CSMD1: variants seen among roughly 807,000 people sequenced by gnomAD.
CSMD1 encodes CUB and sushi domain-containing protein 1.
Under a neutral mutation model 417.5 loss-of-function variants are expected in CSMD1, and 213 were observed. That is an observed-to-expected ratio of 0.51 (90% CI 0.46 to 0.57). The LOEUF is 0.57. Among genes scored for constraint, CSMD1 ranks in the 20% least tolerant of loss-of-function variants. The probability of loss-of-function intolerance (pLI) is 0.00; values close to 1 mark genes in which losing one functional copy is unlikely to be tolerated. For synonymous variants in CSMD1, 2,862 were observed against 1,736.8 expected, an observed-to-expected ratio of 1.65 and a Z score of -16.11; for missense variants, 6,923 against 4,529.7, an observed-to-expected ratio of 1.53 and a Z score of -15.17.
intron 3 of CSMD1, among the ~76,000 whole-genome samples, chr8:4,190,286 T>G (rs533656997): frequency 1.1e-3 from 155 of 146,330 alleles, no homozygotes; most frequent in Admixed American, 1.8e-3. Flanking sequence ...GCAGAGACTC[T>G]GGGTCTGGTC....
intron 1 of CSMD1, among the ~76,000 whole-genome samples, chr8:4,709,056 T>C (rs1808127307): frequency 6.6e-6 from 1 of 152,166 alleles, no homozygotes; most frequent in African/African-American, 2.4e-5. Context: ...TGGTACTTTG[T>C]TATGGGAGCC....
intron 1 of CSMD1, among the ~76,000 whole-genome samples, chr8:4,840,573 G>T (rs891266212): frequency 2.6e-5 from 4 of 152,096 alleles, no homozygotes; most frequent in Non-Finnish European, 5.9e-5. Flanking sequence ...AAAATATGAA[G>T]AAATAAAACA....
chr8:4,492,404 T>C (rs1275101641), intron 2 of CSMD1, among the ~76,000 whole-genome samples: 1 of 152,164 alleles, frequency 6.6e-6, no homozygotes, highest in African/African-American at 2.4e-5. Flanking sequence ...TCTGACATTC[T>C]GGAAAAGGCA....
intron 17 of CSMD1, among the ~76,000 whole-genome samples, chr8:3,388,325 T>A (rs538601597): frequency 6.6e-6 from 1 of 152,312 alleles, no homozygotes; most frequent in South Asian, 2.1e-4. Flanking sequence ...CATATCATTA[T>A]GAGAGTTTCT....
At chr8:3,260,334 T>C (rs1261202230) in intron 26 of CSMD1, among the ~76,000 whole-genome samples, 1 of 152,036 alleles carries the variant, frequency 6.6e-6, no homozygotes, top group Non-Finnish European at 1.5e-5. Flanking sequence ...GCAGGATCAA[T>C]GGGAACCAGC....
intron 7 of CSMD1, among the ~76,000 whole-genome samples, chr8:3,689,552 A>C (rs1395136592): frequency 6.6e-6 from 1 of 152,138 alleles, no homozygotes; most frequent in Non-Finnish European, 1.5e-5. Context: ...ATTTCCATTG[A>C]CTGTGTCTTC....
intron 1 of CSMD1, among the ~76,000 whole-genome samples, chr8:4,876,683 T>C (rs1196108809): frequency 6.6e-6 from 1 of 152,090 alleles, no homozygotes; most frequent in Non-Finnish European, 1.5e-5. Flanking sequence ...GTTAGGTGCA[T>C]ATAGTCTCCT....
At chr8:3,460,512 A>C (rs1816429875) in intron 12 of CSMD1, among the ~76,000 whole-genome samples, 1 of 152,046 alleles carries the variant, frequency 6.6e-6, no homozygotes, top group African/African-American at 2.4e-5. Context: ...GTGTGAGCAA[A>C]ATAGAAGAGT....
intron 2 of CSMD1, among the ~76,000 whole-genome samples, chr8:4,474,400 T>C (rs1270065733): frequency 6.6e-6 from 1 of 152,118 alleles, no homozygotes; most frequent in Non-Finnish European, 1.5e-5. Flanking sequence ...GGACAGAGAA[T>C]TGGTCTAAGA....
chr8:3,954,542 T>C (rs1811808576), intron 5 of CSMD1, among the ~76,000 whole-genome samples: 1 of 152,124 alleles, frequency 6.6e-6, no homozygotes, highest in African/African-American at 2.4e-5. Flanking sequence ...AATTTTTTTG[T>C]ATTTTTAGTA....
At chr8:4,457,193 T>C (rs554555481) in intron 2 of CSMD1, among the ~76,000 whole-genome samples, 28 of 152,274 alleles carry the variant, frequency 1.8e-4, no homozygotes, top group African/African-American at 6.3e-4. Context: ...ATGTGTCCTG[T>C]TAAACACATG....
At chr8:4,024,648 G>C (rs934611561) in intron 4 of CSMD1, among the ~76,000 whole-genome samples, 5 of 152,148 alleles carry the variant, frequency 3.3e-5, no homozygotes, top group African/African-American at 1.2e-4. Context: ...GCATTTATGG[G>C]CCTCAGCATA....
chr8:3,956,002 C>A (rs975719937), intron 5 of CSMD1, among the ~76,000 whole-genome samples: 2 of 152,128 alleles, frequency 1.3e-5, no homozygotes, highest in African/African-American at 2.4e-5. Context: ...ACCATATTGG[C>A]CAGGATGGTC....
At chr8:3,845,890 G>A (rs1401928280) in intron 5 of CSMD1, among the ~76,000 whole-genome samples, 1 of 150,594 alleles carries the variant, frequency 6.6e-6, no homozygotes, top group Non-Finnish European at 1.5e-5. Flanking sequence ...CACACACGTT[G>A]TCCTAGGCCT....
At chr8:3,953,497 G>A (rs1260358418) in intron 5 of CSMD1, among the ~76,000 whole-genome samples, 1 of 152,098 alleles carries the variant, frequency 6.6e-6, no homozygotes, top group Non-Finnish European at 1.5e-5. Context: ...GCTGAGTTTG[G>A]GGGTTTCACT....
intron 12 of CSMD1, among the ~76,000 whole-genome samples, chr8:3,432,421 C>G (rs1383022991): frequency 6.6e-6 from 1 of 150,402 alleles, no homozygotes. Flanking sequence ...GTTGCCAAGT[C>G]TTTGGTGCAA....
At chr8:3,453,111 G>C (rs1341198352) in intron 12 of CSMD1, among the ~76,000 whole-genome samples, 2 of 152,138 alleles carry the variant, frequency 1.3e-5, no homozygotes, top group Non-Finnish European at 2.9e-5. Context: ...GCATAGAGGT[G>C]GTTATAGTAT....
intron 7 of CSMD1, among the ~76,000 whole-genome samples, chr8:3,687,474 A>G (rs2129031296): frequency 6.6e-6 from 1 of 152,384 alleles, no homozygotes; most frequent in East Asian, 1.9e-4. Context: ...AAGCAATAAA[A>G]CAGTAAGATC....
chr8:4,878,632 C>A (rs1433278486), intron 1 of CSMD1, among the ~76,000 whole-genome samples: 1 of 151,876 alleles, frequency 6.6e-6, no homozygotes, highest in African/African-American at 2.4e-5. Flanking sequence ...ATTATGCTCT[C>A]TCAAAATTTC....
Sources: allele counts gnomAD v4.1 joint callset (sites outside exome capture counted in the v4.1 genomes callset), GRCh38; gene constraint gnomAD v4.1.1; transcripts MANE v1.5; gene names NCBI Gene and HGNC (gene_info 2026-07-23, HGNC 2026-07-21).